The following PLSCR2 variants were observed in gnomAD, a reference collection of about 807,000 sequenced individuals.
PLSCR2 encodes the protein PL scramblase 2.
PLSCR2 carries 18 observed loss-of-function variants against 25.3 expected under a neutral mutation model. The observed-to-expected ratio is 0.71, with a 90% CI of 0.49 to 1.06. The LOEUF (loss-of-function observed/expected upper bound fraction) is 1.06, where lower values mean the gene tolerates loss of function less well. Ranked by LOEUF, PLSCR2 falls within the 50% of genes least tolerant of loss-of-function variation. The pLI, the probability that PLSCR2 is intolerant of heterozygous loss-of-function variation, is 0.00. For missense variants in PLSCR2, 243 were observed against 269.5 expected (o/e 0.90, Z 0.69); for synonymous variants, 88 against 87.3 (o/e 1.01, Z -0.04).
chr3:146,408,191 C>A (rs2038724039), intron 2 of PLSCR2, among the ~76,000 whole-genome samples: 1 of 152,162 alleles, frequency 6.6e-6, no homozygotes, highest in South Asian at 2.1e-4. Flanking sequence ...ACAACTTGGC[C>A]ATCCAGAGGC....
chr3:146,475,653 A>G (rs2042261260), intron 1 of PLSCR2, among the ~76,000 whole-genome samples: 1 of 152,186 alleles, frequency 6.6e-6, no homozygotes, highest in Non-Finnish European at 1.5e-5. Flanking sequence ...TTCAGTTAGC[A>G]TAGTAGTCAT....
chr3:146,447,050 T>C (rs1217767808), intron 6 of PLSCR2, among the ~76,000 whole-genome samples: 1 of 152,164 alleles, frequency 6.6e-6, no homozygotes, highest in Non-Finnish European at 1.5e-5. Flanking sequence ...GGTCAGCTTG[T>C]GGTGAATTAT....
intron 3 of PLSCR2, among the ~76,000 whole-genome samples, chr3:146,391,990 C>A (rs1314971103): frequency 6.6e-6 from 1 of 151,930 alleles, no homozygotes; most frequent in African/African-American, 2.4e-5. Flanking sequence ...TATGCTTATA[C>A]CCTGGTTTTT....
rs71158238 is a variant in PLSCR2, at chr3:146,404,821, A to AAG, written c.101-8901_101-8900insCT. 1.3e-3 allele frequency among the ~76,000 whole-genome samples: 159 copies of AAG among 124,740 alleles called. 2 individuals are homozygous for AAG. The highest frequency in any genetic ancestry group is 3.7e-3 in the African/African-American group (127 of 34,350). The allele number at this position is 124,740 out of a possible 152,430, so 81.8% of individuals were successfully genotyped here. A position where few individuals can be genotyped will look rare whatever the true frequency, so the allele number is the denominator to read the frequency against. ...AGGAAGAAATAGGCAAAAAAAAAAA[A>AAG]GGGGGGGGGTGGTGGTTAACTGGTC... is the stretch of plus-strand genomic sequence containing the variant. On this transcript the variant is annotated intron_variant and NMD_transcript_variant, in intron 2 of 3. Coordinates refer to the PLSCR2 transcript ENST00000463633.
rs751548775 is a variant in PLSCR2 at position 146,392,805 on chromosome 3, C to CT, written c.*146-1244dup. 1.5e-4 allele frequency among the ~76,000 whole-genome samples: 22 copies of CT among 147,520 alleles called. No individual in the cohort carries two copies. In the East Asian group the frequency reaches 3.9e-3, roughly 26 times the overall value. On this transcript the variant is annotated intron_variant and NMD_transcript_variant, in intron 3 of 3. Transcript: ENST00000463633. ...GGTACTCTTTGTTTATTTTTGTTTG[C>CT]TTAATGGTTCAATATCTCCTTCATT...
intron 2 of PLSCR2, among the ~76,000 whole-genome samples, chr3:146,414,055 G>A (rs1178030404): frequency 1.3e-5 from 2 of 152,214 alleles, no homozygotes; most frequent in African/African-American, 2.4e-5. Flanking sequence ...TCCATCATAT[G>A]GTAGTGGAAG....
At chr3:146,480,557 A>G (rs1327537344) in intron 1 of PLSCR2, among the ~76,000 whole-genome samples, 1 of 152,232 alleles carries the variant, frequency 6.6e-6, no homozygotes, top group African/African-American at 2.4e-5. Flanking sequence ...GAATCTCTGA[A>G]TAGACCAATA....
intron 3 of PLSCR2, among the ~76,000 whole-genome samples, chr3:146,457,281 T>A (rs894060684): frequency 6.6e-6 from 1 of 152,240 alleles, no homozygotes; most frequent in African/African-American, 2.4e-5. Context: ...GTTTTTATAA[T>A]AAATAGAAGA....
At chr3:146,456,148 C>G (rs2041206337) in intron 3 of PLSCR2, among the ~76,000 whole-genome samples, 1 of 152,126 alleles carries the variant, frequency 6.6e-6, no homozygotes, top group African/African-American at 2.4e-5. Flanking sequence ...CCTAAGTGAG[C>G]TCTGCACCTT....
intron 5 of PLSCR2, among the ~76,000 whole-genome samples, chr3:146,453,546 C>A (rs1215644612): frequency 6.6e-6 from 1 of 152,022 alleles, no homozygotes; most frequent in Non-Finnish European, 1.5e-5. Flanking sequence ...ATTACACTGA[C>A]TTTCTCAAAA....
At chr3:146,466,038 C>T (rs1576696570) in intron 1 of PLSCR2, among the ~76,000 whole-genome samples, 2 of 152,150 alleles carry the variant, frequency 1.3e-5, no homozygotes, top group East Asian at 3.8e-4. Context: ...GTGACTGAGG[C>T]CAGTTATTAA....
downstream of PLSCR2, among the ~76,000 whole-genome samples, chr3:146,439,399 C>G (rs1418555223): frequency 3.3e-5 from 5 of 152,216 alleles, no homozygotes; most frequent in African/African-American, 1.2e-4. Context: ...CTCCCCGTCA[C>G]TTTCAGGTAC....
intron 1 of PLSCR2, among the ~76,000 whole-genome samples, chr3:146,477,419 A>G (rs1028077853): frequency 6.6e-6 from 1 of 152,192 alleles, no homozygotes; most frequent in Non-Finnish European, 1.5e-5. Flanking sequence ...CAACCAGCAG[A>G]CTAGGAAATT....
intron 1 of PLSCR2, among the ~76,000 whole-genome samples, chr3:146,466,603 TA>T: frequency 6.6e-6 from 1 of 152,338 alleles, no homozygotes; most frequent in East Asian, 1.9e-4. Flanking sequence ...AAATGAGTCT[TA>T]AAGTCAGTTA....
chr3:146,397,673 C>T (rs899015964), intron 2 of PLSCR2, among the ~76,000 whole-genome samples: 15 of 151,934 alleles, frequency 9.9e-5, no homozygotes, highest in Non-Finnish European at 1.5e-4. Flanking sequence ...GATATTACAA[C>T]GAGTAGGATT....
chr3:146,427,965 C>T (rs1386635564), intron 2 of PLSCR2, among the ~76,000 whole-genome samples: 4 of 152,102 alleles, frequency 2.6e-5, no homozygotes, highest in Admixed American at 6.6e-5. Flanking sequence ...CCCCTCAGTT[C>T]TCATGGAATA....
Position 146,426,196 on chromosome 3 carries a change from T to G in PLSCR2, c.101-30275A>C, listed in dbSNP as rs1392372077. On this transcript the variant is annotated intron_variant and NMD_transcript_variant, in intron 2 of 3. Coordinates refer to the PLSCR2 transcript ENST00000463633. ...TTTCCTTCCTTCCTCCCTCCCTCCT[T>G]CCCTCCTTCCTTCCCTCCCTCCTTC... 2.1e-5 allele frequency among the ~76,000 whole-genome samples: 3 copies of G among 142,868 alleles called. No homozygotes were observed. The South Asian group carries it at 7.7e-4, about 37-fold the overall frequency. 93.7% of individuals were successfully genotyped at this position (142,868 alleles called of 152,430 possible). A position where few individuals can be genotyped will look rare whatever the true frequency, so the allele number is the denominator to read the frequency against.
intron 2 of PLSCR2, among the ~76,000 whole-genome samples, chr3:146,417,355 AG>A (rs1225938430): frequency 6.6e-6 from 1 of 152,154 alleles, no homozygotes; most frequent in African/African-American, 2.4e-5. Context: ...TGTAACTAAG[AG>A]GCCACAACAT....
chr3:146,437,202 A>G (rs1473939731), downstream of PLSCR2, among the ~76,000 whole-genome samples: 2 of 151,538 alleles, frequency 1.3e-5, no homozygotes, highest in African/African-American at 4.9e-5. Flanking sequence ...GGATTTTTGC[A>G]CTGATGTTCA....
Sources: allele counts gnomAD v4.1 joint callset (sites outside exome capture counted in the v4.1 genomes callset), GRCh38; gene constraint gnomAD v4.1.1; transcripts MANE v1.5; gene names NCBI Gene and HGNC (gene_info 2026-07-23, HGNC 2026-07-21).